Variants in RTKN2 observed in about 807,000 individuals in gnomAD.
RTKN2 encodes the protein rhotekin 2, also known as rhotekin-2.
In RTKN2, 69 loss-of-function variants were observed where a neutral mutation model predicts 71.5. The ratio of observed to expected loss-of-function variants is 0.96; its 90% confidence interval spans 0.79 to 1.18. RTKN2 has a LOEUF of 1.18. Among genes scored for constraint, RTKN2 ranks in the 50% most tolerant of loss-of-function variants. The pLI, the probability that RTKN2 is intolerant of heterozygous loss-of-function variation, is 0.00. For missense variants in RTKN2, 724 were observed against 719.7 expected (o/e 1.01, Z -0.07); for synonymous variants, 236 against 236.5 (o/e 1.00, Z 0.02).
chr10:62,204,750 A>G (rs1038330636), intron 10 of RTKN2, 107 bp downstream of exon 10: 8 of 740,800 alleles, frequency 1.1e-5, no homozygotes, highest in Admixed American at 7.2e-5. Context: ...TTTCAAGAAC[A>G]TAAAAAATTT....
intron 2 of RTKN2, among the ~76,000 whole-genome samples, chr10:62,247,796 T>C (rs929694361): frequency 6.6e-6 from 1 of 152,026 alleles, no homozygotes; most frequent in Admixed American, 6.6e-5. Context: ...ACAAACATAA[T>C]TGGTTGGCAT....
intron 5 of RTKN2, among the ~76,000 whole-genome samples, chr10:62,236,722 A>G: frequency 6.6e-6 from 1 of 152,066 alleles, no homozygotes; most frequent in East Asian, 1.9e-4. Flanking sequence ...ATGTCCATCA[A>G]TGGTAAAACA....
intron 6 of RTKN2, among the ~76,000 whole-genome samples, chr10:62,232,601 C>T (rs1842172807): frequency 6.6e-6 from 1 of 151,910 alleles, no homozygotes; most frequent in South Asian, 2.1e-4. Flanking sequence ...TGCCCCCAGC[C>T]TTAAATATAG....
chr10:62,212,508 G>T (rs2132862498), intron 9 of RTKN2, among the ~76,000 whole-genome samples: 1 of 152,156 alleles, frequency 6.6e-6, no homozygotes, highest in South Asian at 2.1e-4. Flanking sequence ...TTTGAGACCA[G>T]CCTGGGTAAC....
intron 5 of RTKN2, among the ~76,000 whole-genome samples, chr10:62,236,822 C>T (rs1227191105): frequency 2.0e-5 from 3 of 151,402 alleles, no homozygotes; most frequent in Admixed American, 6.6e-5. Context: ...TGCTACAACA[C>T]GGATGAACTT....
intron 2 of RTKN2, chr10:62,259,134 G>GT: frequency 2.3e-6 from 1 of 439,146 alleles, no homozygotes; most frequent in Non-Finnish European, 4.5e-6. Context: ...AGATCTGATG[G>GT]TTTTATAAAG....
intron 6 of RTKN2, among the ~76,000 whole-genome samples, chr10:62,223,764 G>T (rs1030392782): frequency 1.3e-5 from 2 of 152,126 alleles, no homozygotes; most frequent in African/African-American, 2.4e-5. Flanking sequence ...AAACATTTTG[G>T]TGGTTCCTCA....
At chr10:62,188,813 T>C (rs1841175054), downstream of RTKN2, among the ~76,000 whole-genome samples, 1 of 152,002 alleles carries the variant, frequency 6.6e-6, no homozygotes, top group South Asian at 2.1e-4. Context: ...AGTGACGCGA[T>C]CTTGGCTCAC....
chr10:62,216,311 T>C (rs761169518), intron 9 of RTKN2, among the ~76,000 whole-genome samples: 1 of 151,896 alleles, frequency 6.6e-6, no homozygotes, highest in Non-Finnish European at 1.5e-5. Context: ...ACAAGCAAAG[T>C]AGAACAACTA....
At chr10:62,185,545 G>A (rs939432273) in intron 8 of RTKN2, among the ~76,000 whole-genome samples, 2 of 152,170 alleles carry the variant, frequency 1.3e-5, no homozygotes, top group Non-Finnish European at 2.9e-5. Flanking sequence ...GAACCCGGGA[G>A]GTGGAGGTTG....
chr10:62,186,094 T>A (rs969471860), intron 8 of RTKN2, among the ~76,000 whole-genome samples: 5 of 152,218 alleles, frequency 3.3e-5, no homozygotes, highest in Admixed American at 1.3e-4. Flanking sequence ...GGCTGGAGAC[T>A]GTATGGTGTG....
intron 9 of RTKN2, among the ~76,000 whole-genome samples, chr10:62,213,505 A>T (rs571575836): frequency 6.6e-6 from 1 of 152,314 alleles, no homozygotes; most frequent in Non-Finnish European, 1.5e-5. Context: ...ACCTGAGCTA[A>T]AAGGCCATTT....
Position 62,197,015 on chromosome 10 carries a change from T to C in RTKN2, c.*893A>G. 1 of 973,480 alleles carries C rather than the reference T, an allele frequency of 1.0e-6. No individual in the cohort carries two copies. Among genetic ancestry groups the C allele is most frequent in the Non-Finnish European group, 1.2e-6 (1 of 819,224 alleles). The allele number at this position is 973,480 out of a possible 1,614,324, so 60.3% of individuals were successfully genotyped here. A position where few individuals can be genotyped will look rare whatever the true frequency, so the allele number is the denominator to read the frequency against. On this transcript the variant is annotated 3_prime_UTR_variant, in exon 12 of 12. Coordinates refer to ENST00000373789, the MANE Select transcript of RTKN2 (RefSeq NM_145307.4). The stretch of plus-strand genomic sequence containing the variant: ...TCTTACTAGGAAAAGGAAATCTAAT[T>C]AAAATTTTAAAAAAGAATTCTGAAA...
At chr10:62,253,303 C>T (rs559519662) in intron 2 of RTKN2, among the ~76,000 whole-genome samples, 3 of 152,200 alleles carry the variant, frequency 2.0e-5, no homozygotes, top group African/African-American at 7.2e-5. Context: ...ATGAATATAT[C>T]GCAAGTACCG....
At chr10:62,214,787 T>C (rs548079387) in intron 9 of RTKN2, among the ~76,000 whole-genome samples, 1 of 152,242 alleles carries the variant, frequency 6.6e-6, no homozygotes, top group African/African-American at 2.4e-5. Context: ...TTTACAGTGA[T>C]ATGAAGAGAG....
chr10:62,243,215 T>C (rs1246314886), intron 3 of RTKN2, among the ~76,000 whole-genome samples: 1 of 147,336 alleles, frequency 6.8e-6, no homozygotes, highest in East Asian at 2.1e-4. Flanking sequence ...TTCCCACCTA[T>C]GAATTTATTT....
intron 2 of RTKN2, 62 bp from the exon 3 acceptor site, chr10:62,246,119 T>A (rs1842475122): frequency 9.4e-7 from 1 of 1,062,468 alleles, no homozygotes; most frequent in Non-Finnish European, 1.4e-6. Context: ...ATTTTAACAG[T>A]GTTTCACAAA....
Position 62,194,238 on chromosome 10 carries a change from A to G in RTKN2, c.*3670T>C. The stretch of plus-strand genomic sequence containing the variant: ...ACTTGTCTTTTAAAAACCCAAAGGT[A>G]ACATCTTTCCCAGAGTTAACTAAGA... On this transcript the variant is annotated 3_prime_UTR_variant, in exon 12 of 12. Transcript: ENST00000373789. The G allele has an allele frequency of 2.0e-6, 2 of 985,140 alleles. No homozygotes were observed. The highest frequency in any genetic ancestry group is 2.4e-6 in the Non-Finnish European group (2 of 829,656). The allele number at this position is 985,140 out of a possible 1,614,324, so 61.0% of individuals were successfully genotyped here. A position where few individuals can be genotyped will look rare whatever the true frequency, so the allele number is the denominator to read the frequency against.
At chr10:62,268,444 T>TA (rs1385031923) in intron 1 of RTKN2, 107 bp downstream of exon 1, 11 of 1,080,946 alleles carry the variant, frequency 1.0e-5, no homozygotes, top group African/African-American at 3.1e-5. Flanking sequence ...ACCGCTGAAA[T>TA]AGAGGAGCGG....
Sources: gnomAD v4.1 joint callset for allele counts (sites outside exome capture counted in the v4.1 genomes callset) on GRCh38, gnomAD v4.1.1 for gene constraint, MANE v1.5 for transcripts, NCBI Gene and HGNC (gene_info 2026-07-23, HGNC 2026-07-21) for gene names.